NPSR1: variants seen among roughly 807,000 people sequenced by gnomAD.
The protein encoded by NPSR1 is neuropeptide S receptor.
A neutral mutation model predicts 46.9 loss-of-function variants in NPSR1; 48 were observed. That is an observed-to-expected ratio of 1.02 (90% CI 0.81 to 1.30). The LOEUF is 1.30. NPSR1 is among the 50% of genes most tolerant of loss of function. The probability of loss-of-function intolerance (pLI) is 0.00; values close to 1 mark genes in which losing one functional copy is unlikely to be tolerated. For missense variants in NPSR1, 450 were observed against 449.5 expected, an observed-to-expected ratio of 1.00 and a Z score of -0.01; for synonymous variants, 176 against 168.1, an observed-to-expected ratio of 1.05 and a Z score of -0.36.
At chr7:34,722,462 G>C (rs952889242) in intron 2 of NPSR1, among the ~76,000 whole-genome samples, 5 of 152,180 alleles carry the variant, frequency 3.3e-5, no homozygotes, top group African/African-American at 1.2e-4. Context: ...TGGAGGAAAA[G>C]ATTTTGCATG....
At chr7:34,783,606 G>A (rs1201912264) in intron 3 of NPSR1, among the ~76,000 whole-genome samples, 5 of 152,222 alleles carry the variant, frequency 3.3e-5, no homozygotes, top group South Asian at 2.1e-4. Context: ...AGAAATAATA[G>A]CAGAATAGTT....
At chr7:34,839,829 A>G (rs565198697) in intron 6 of NPSR1, among the ~76,000 whole-genome samples, 1 of 152,196 alleles carries the variant, frequency 6.6e-6, no homozygotes, top group Non-Finnish European at 1.5e-5. Flanking sequence ...AGGACTGCTC[A>G]GGAGAGGTAT....
intron 1 of NPSR1, among the ~76,000 whole-genome samples, chr7:34,662,457 T>C (rs1033425740): frequency 6.6e-6 from 1 of 152,186 alleles, no homozygotes; most frequent in African/African-American, 2.4e-5. Flanking sequence ...CTTCCTGCCC[T>C]GGCCCCAGGA....
In NPSR1 at chr7:34,713,082, A is replaced by T. The variant is rs75019950; in HGVS notation, c.280+28398A>T. Among the ~76,000 whole-genome samples, 1,337 of 152,288 alleles carry T rather than the reference A, an allele frequency of 8.8e-3. 23 individuals carry two copies. The highest frequency in any genetic ancestry group is 0.07 in the South Asian group (336 of 4,820). ...TACAAGCAGGTGTAATCTTAAGGAC[A>T]CCGCCCTTCTGTGATTGTTAAGAAG... On this transcript the variant is annotated intron_variant, in intron 2 of 8. Transcript: ENST00000360581.
Position 34,878,038 on chromosome 7 carries a change from G to A in NPSR1, c.1026-38G>A, listed in dbSNP as rs566817681. On this transcript the variant is annotated intron_variant, in intron 8 of 8. Coordinates refer to the NPSR1 transcript ENST00000359791. ...CTTTTATGCAAATAGGAAGACCCAGGTCCCTATACATTTCAATAAGCCTTT... is the reference window on the plus strand; with the variant it reads ...CTTTTATGCAAATAGGAAGACCCAGATCCCTATACATTTCAATAAGCCTTT... 2.4e-6 allele frequency: 3 copies of A among 1,241,672 alleles called. No individual in the cohort carries two copies. The African/African-American group carries it at 4.4e-5, about 18-fold the overall frequency. The allele number at this position is 1,241,672 out of a possible 1,614,324, so 76.9% of individuals were successfully genotyped here. A position where few individuals can be genotyped will look rare whatever the true frequency, so the allele number is the denominator to read the frequency against.
intron 3 of NPSR1, among the ~76,000 whole-genome samples, chr7:34,793,894 A>G (rs1788050877): frequency 1.3e-5 from 2 of 152,222 alleles, no homozygotes; most frequent in East Asian, 1.9e-4. Context: ...TTCATAAAAA[A>G]GAAAGAAATT....
intron 1 of NPSR1, among the ~76,000 whole-genome samples, chr7:34,666,892 A>G (rs535095746): frequency 6.6e-6 from 1 of 152,346 alleles, no homozygotes; most frequent in South Asian, 2.1e-4. Context: ...GGTTTTGAGT[A>G]ACCAAGAAAG....
At chr7:34,665,668 T>G (rs1791706877) in intron 1 of NPSR1, among the ~76,000 whole-genome samples, 1 of 152,200 alleles carries the variant, frequency 6.6e-6, no homozygotes, top group African/African-American at 2.4e-5. Flanking sequence ...AATTGCCTTC[T>G]CTTCTAGGAA....
At chr7:34,732,271 C>A in intron 2 of NPSR1, among the ~76,000 whole-genome samples, 1 of 152,162 alleles carries the variant, frequency 6.6e-6, no homozygotes, top group East Asian at 1.9e-4. Flanking sequence ...ACACATTTCT[C>A]TGATCTCGCA....
intron 2 of NPSR1, among the ~76,000 whole-genome samples, chr7:34,733,385 C>G (rs1409994879): frequency 6.8e-6 from 1 of 147,438 alleles, no homozygotes; most frequent in Non-Finnish European, 1.5e-5. Context: ...CGCCACTGCA[C>G]TCCACCCTGG....
intron 2 of NPSR1, chr7:34,703,902 C>A (rs1793975820): frequency 6.9e-6 from 1 of 145,042 alleles, no homozygotes; most frequent in Admixed American, 6.8e-5. Flanking sequence ...GAGTGTTCAA[C>A]AAAGAAAAGA....
chr7:34,813,137 G>A (rs1214684331), intron 4 of NPSR1, among the ~76,000 whole-genome samples: 2 of 152,102 alleles, frequency 1.3e-5, no homozygotes, highest in Non-Finnish European at 2.9e-5. Context: ...GTATATTGTG[G>A]CACTGCCTAC....
chr7:34,808,312 G>A (rs325459), intron 3 of NPSR1, among the ~76,000 whole-genome samples: 148,517 of 152,346 alleles, frequency 0.97, 72,417 homozygotes, highest in East Asian at 1. Flanking sequence ...GTTTGTAGTA[G>A]TTTGTTACAG....
intron 7 of NPSR1, among the ~76,000 whole-genome samples, chr7:34,847,506 A>G (rs1009061840): frequency 3.9e-5 from 6 of 152,144 alleles, no homozygotes; most frequent in Admixed American, 3.9e-4. Context: ...AGGAAAGCCA[A>G]TGGTGTAGGT....
At chr7:34,754,208 C>T (rs1321991612) in intron 2 of NPSR1, among the ~76,000 whole-genome samples, 2 of 152,086 alleles carry the variant, frequency 1.3e-5, no homozygotes, top group Non-Finnish European at 2.9e-5. Context: ...TTTATCAAAA[C>T]TTGCTCTCGG....
intron 2 of NPSR1, among the ~76,000 whole-genome samples, chr7:34,771,862 G>T (rs1786700242): frequency 6.6e-6 from 1 of 152,084 alleles, no homozygotes; most frequent in African/African-American, 2.4e-5. Context: ...TAACTACTTA[G>T]AACCTTGCCA....
At chr7:34,833,631 GA>G (rs1358454560) in intron 5 of NPSR1, among the ~76,000 whole-genome samples, 1 of 152,162 alleles carries the variant, frequency 6.6e-6, no homozygotes, top group Non-Finnish European at 1.5e-5. Flanking sequence ...CTTAAATCAA[GA>G]TACATTTGTT....
chr7:34,762,704 T>A (rs1334579343), intron 2 of NPSR1, among the ~76,000 whole-genome samples: 3 of 152,230 alleles, frequency 2.0e-5, no homozygotes, highest in African/African-American at 7.2e-5. Flanking sequence ...AGATACACAG[T>A]TGATATTGTT....
chr7:34,677,307 G>A (rs1414110921), intron 1 of NPSR1, among the ~76,000 whole-genome samples: 1 of 152,108 alleles, frequency 6.6e-6, no homozygotes, highest in East Asian at 1.9e-4. Flanking sequence ...AGTCATCAAT[G>A]CCGACGCTCT....
Sources: allele counts gnomAD v4.1 joint callset (sites outside exome capture counted in the v4.1 genomes callset), GRCh38; gene constraint gnomAD v4.1.1; transcripts MANE v1.5; gene names NCBI Gene and HGNC (gene_info 2026-07-23, HGNC 2026-07-21).